BLMH: variants seen among roughly 807,000 people sequenced by gnomAD.
BLMH encodes bleomycin hydrolase.
BLMH carries 32 observed loss-of-function variants against 61.6 expected under a neutral mutation model. That is an observed-to-expected ratio of 0.52 (90% CI 0.39 to 0.70). The LOEUF (loss-of-function observed/expected upper bound fraction) is 0.70. BLMH is among the 30% of genes least tolerant of loss of function. BLMH has a pLI of 0.00. For missense variants in BLMH, 460 were observed against 555.5 expected (o/e 0.83, Z 1.73); for synonymous variants, 183 against 193.8 (o/e 0.94, Z 0.46).
chr17:30,266,285 T>C (rs945743750), intron 11 of BLMH, among the ~76,000 whole-genome samples: 1 of 152,000 alleles, frequency 6.6e-6, no homozygotes, highest in African/African-American at 2.4e-5. Context: ...CCTAGCACTT[T>C]GGGAGGCCGA....
intron 11 of BLMH, among the ~76,000 whole-genome samples, chr17:30,260,337 T>C (rs777011265): frequency 4.6e-5 from 7 of 152,136 alleles, no homozygotes; most frequent in Non-Finnish European, 7.4e-5. Context: ...TAAAAACACA[T>C]CTATACACAA....
At chr17:30,251,779 C>T (rs1405592932) in intron 11 of BLMH, among the ~76,000 whole-genome samples, 2 of 152,226 alleles carry the variant, frequency 1.3e-5, no homozygotes, top group Non-Finnish European at 2.9e-5. Flanking sequence ...GCCTCTTGGC[C>T]TCAAGCCCTG....
intron 10 of BLMH, among the ~76,000 whole-genome samples, chr17:30,267,680 C>G (rs1908148758): frequency 6.6e-6 from 1 of 152,178 alleles, no homozygotes; most frequent in South Asian, 2.1e-4. Context: ...CTCATCACAA[C>G]AACCTTCATT....
rs1396041088 is a variant in BLMH, at chr17:30,291,932, G to A, written c.-113C>T. 3.3e-6 allele frequency: 4 copies of A among 1,198,742 alleles called. No homozygotes were observed. Among genetic ancestry groups the A allele is most frequent in the Non-Finnish European group, 4.3e-6 (4 of 940,408 alleles). 74.3% of individuals were successfully genotyped at this position (1,198,742 alleles called of 1,614,324 possible). A position where few individuals can be genotyped will look rare whatever the true frequency, so the allele number is the denominator to read the frequency against. ...GCCCGACCTGTCTCTCGCACCCGGA[G>A]CGCCGGAAAAAGGAAACCGGCTCGG... On this transcript the variant is annotated 5_prime_UTR_variant, in exon 1 of 12. Coordinates refer to ENST00000261714, the MANE Select transcript of BLMH (RefSeq NM_000386.4).
chr17:30,269,702 T>C (rs979196361), intron 10 of BLMH, among the ~76,000 whole-genome samples: 2 of 152,218 alleles, frequency 1.3e-5, no homozygotes, highest in African/African-American at 4.8e-5. Flanking sequence ...CTGAGATTAC[T>C]GACGAATGGA....
chr17:30,287,958 A>C lies in BLMH; in HGVS notation c.322-11T>G, dbSNP rs1597668427. The C allele has an allele frequency of 6.2e-7, 1 of 1,602,780 alleles. No individual in the cohort carries two copies. The highest frequency in any genetic ancestry group is 8.5e-7 in the Non-Finnish European group (1 of 1,175,382). On this transcript the variant is annotated splice_polypyrimidine_tract_variant and intron_variant, in intron 3 of 11. Transcript: ENST00000261714. ...ATAACAGCGTTCAACCTAAAGAGTA[A>C]AGAAAGTTAAATAACATTAAAAGAA...
At chr17:30,286,533 T>C (rs1051824379) in intron 5 of BLMH, among the ~76,000 whole-genome samples, 3 of 152,252 alleles carry the variant, frequency 2.0e-5, no homozygotes, top group African/African-American at 7.2e-5. Flanking sequence ...TGTGTGCTTG[T>C]GGCCAATATT....
At chr17:30,252,833 C>G (rs1175607378) in intron 11 of BLMH, among the ~76,000 whole-genome samples, 7 of 152,174 alleles carry the variant, frequency 4.6e-5, no homozygotes, top group Non-Finnish European at 1.0e-4. Flanking sequence ...TCTGGCTTGT[C>G]TTGATTATAT....
chr17:30,274,238 G>A lies in BLMH; in HGVS notation c.646-41C>T, dbSNP rs761297330. 10 of 1,582,096 alleles carry A rather than the reference G, an allele frequency of 6.3e-6. 1 individual carries two copies. The South Asian group carries it at 1.0e-4, about 17-fold the overall frequency. ...AGGAAAGGCGAGCAATGGTTAGGGG[G>A]AAATGTTATTTTTTTCACCTCTTCA... On this transcript the variant is annotated intron_variant, in intron 6 of 11. Coordinates refer to ENST00000261714, the MANE Select transcript of BLMH (RefSeq NM_000386.4).
At position 30,271,328 on chromosome 17, in the gene BLMH, C is replaced by G; in HGVS notation, c.1089G>C (p.Leu363=). Residue 363 remains leucine, a synonymous_variant, in exon 10 of 12, where the codon CTG becomes CTC. Transcript: ENST00000261714. The part of the protein sequence containing the change: ...SLKNMNKAER[L]TFGESLMTHA... ...GGGTCATAAGTGACTCACCAAAAGT[C>G]AGCCTCTCCGCTTTATTCATGTTCT... 6.2e-7 allele frequency: 1 copy of G among 1,614,170 alleles called. No individual in the cohort carries two copies. Among genetic ancestry groups the G allele is most frequent in the South Asian group, 1.1e-5 (1 of 91,086 alleles).
At chr17:30,290,173 C>T (rs111981264) in intron 2 of BLMH, among the ~76,000 whole-genome samples, 1,806 of 152,320 alleles carry the variant, frequency 0.012, 38 homozygotes, top group African/African-American at 0.041. Context: ...TGTCACCTCT[C>T]TTCTATATGC....
chr17:30,251,029 T>A (rs1458885191), intron 11 of BLMH, among the ~76,000 whole-genome samples: 1 of 152,258 alleles, frequency 6.6e-6, no homozygotes, highest in Middle Eastern at 3.4e-3. Context: ...AAGTTGGAGC[T>A]AAACTATGAG....
chr17:30,283,722 A>G (rs754416642), intron 6 of BLMH, among the ~76,000 whole-genome samples: 23 of 151,980 alleles, frequency 1.5e-4, no homozygotes, highest in Non-Finnish European at 2.8e-4. Context: ...GGGTTTCACC[A>G]TGTTGGTCAG....
intron 5 of BLMH, among the ~76,000 whole-genome samples, chr17:30,286,033 G>A (rs560724737): frequency 7.9e-5 from 12 of 152,262 alleles, no homozygotes; most frequent in African/African-American, 2.6e-4. Flanking sequence ...ATCAAATGCC[G>A]TACTATTAAT....
chr17:30,268,175 T>C (rs539796732), intron 10 of BLMH, among the ~76,000 whole-genome samples: 3 of 152,234 alleles, frequency 2.0e-5, no homozygotes, highest in Non-Finnish European at 4.4e-5. Context: ...TAAATATCAC[T>C]GTTAGAATCG....
At chr17:30,253,912 T>C (rs964790756) in intron 11 of BLMH, among the ~76,000 whole-genome samples, 3 of 152,108 alleles carry the variant, frequency 2.0e-5, no homozygotes, top group Non-Finnish European at 2.9e-5. Flanking sequence ...CTGTATTTTG[T>C]AACAGAAAGG....
At chr17:30,270,309 G>A (rs956442772) in intron 10 of BLMH, among the ~76,000 whole-genome samples, 1 of 152,044 alleles carries the variant, frequency 6.6e-6, no homozygotes, top group African/African-American at 2.4e-5. Context: ...AGACCAGCCT[G>A]GCCAACATGG....
chr17:30,283,646 C>T (rs1256172708), intron 6 of BLMH, among the ~76,000 whole-genome samples: 4 of 151,662 alleles, frequency 2.6e-5, no homozygotes, highest in Non-Finnish European at 5.9e-5. Flanking sequence ...CTCAGCCTCC[C>T]GAGTAGCTGG....
In BLMH at chr17:30,274,090, C is replaced by G; in HGVS notation, c.753G>C (p.Leu251Phe). ...GCTTGACATGTTCCCTGTAAAACTC[C>G]AAGGGTGTTATGGGGCCAATTTTCT... is the stretch of plus-strand genomic sequence containing the variant. ...NYQKIGPITP[L>F]EFYREHVKPL... Residue 251 changes from leucine to phenylalanine, a missense_variant, in exon 7 of 12, where the codon TTG becomes TTC. Coordinates refer to ENST00000261714, the MANE Select transcript of BLMH (RefSeq NM_000386.4). The G allele has an allele frequency of 6.2e-7, 1 of 1,614,088 alleles. No individual in the cohort carries two copies. Among genetic ancestry groups the G allele is most frequent in the Non-Finnish European group, 8.5e-7 (1 of 1,180,028 alleles).
Sources: allele counts gnomAD v4.1 joint callset (sites outside exome capture counted in the v4.1 genomes callset), GRCh38; gene constraint gnomAD v4.1.1; transcripts MANE v1.5; gene names NCBI Gene and HGNC (gene_info 2026-07-23, HGNC 2026-07-21).